The following ANKS1B variants were observed in gnomAD, a reference collection of about 807,000 sequenced individuals.
ANKS1B encodes ankyrin repeat and sterile alpha motif domain-containing protein 1B.
A neutral mutation model predicts 148.3 loss-of-function variants in ANKS1B; 36 were observed. That is an observed-to-expected ratio of 0.24 (90% confidence interval 0.19 to 0.32). The LOEUF is 0.32. Among genes scored for constraint, ANKS1B ranks in the 10% least tolerant of loss-of-function variants. The probability of loss-of-function intolerance (pLI) is 1.00; values close to 1 mark genes in which losing one functional copy is unlikely to be tolerated. For synonymous variants in ANKS1B, 542 were observed against 560.8 expected (o/e 0.97, Z 0.47); for missense variants, 1,157 against 1,542.6 (o/e 0.75, Z 4.19).
intron 1 of ANKS1B, among the ~76,000 whole-genome samples, chr12:99,838,069 C>G (rs2153694907): frequency 6.6e-6 from 1 of 152,226 alleles, no homozygotes; most frequent in African/African-American, 2.4e-5. Context: ...AAGATAATGG[C>G]CTCCAGCTCC....
At chr12:99,590,393 A>G (rs537882921) in intron 9 of ANKS1B, among the ~76,000 whole-genome samples, 37 of 152,262 alleles carry the variant, frequency 2.4e-4, no homozygotes, top group African/African-American at 8.2e-4. Flanking sequence ...TAATTACAAC[A>G]GATTATAGTA....
At chr12:99,041,429 T>C (rs912538991) in intron 17 of ANKS1B, among the ~76,000 whole-genome samples, 6 of 152,192 alleles carry the variant, frequency 3.9e-5, no homozygotes, top group Admixed American at 3.9e-4. Flanking sequence ...ATTTTCCAGC[T>C]TTTTATATAT....
chr12:98,740,678 C>T (rs1224820478), downstream of ANKS1B, among the ~76,000 whole-genome samples: 1 of 152,192 alleles, frequency 6.6e-6, no homozygotes, highest in African/African-American at 2.4e-5. Context: ...ATCCAATCTC[C>T]CCCTTTTCCT....
chr12:99,972,028 C>T (rs1275233470), intron 1 of ANKS1B, among the ~76,000 whole-genome samples: 2 of 152,134 alleles, frequency 1.3e-5, no homozygotes, highest in Admixed American at 1.3e-4. Context: ...ATATTTCAAA[C>T]TGTTTCATTA....
chr12:99,045,619 T>A (rs912959488), intron 17 of ANKS1B, among the ~76,000 whole-genome samples: 2 of 152,230 alleles, frequency 1.3e-5, no homozygotes, highest in African/African-American at 4.8e-5. Flanking sequence ...ATAAGTAGCA[T>A]GAACTCTTGC....
At chr12:99,966,376 T>C (rs916672231) in intron 1 of ANKS1B, among the ~76,000 whole-genome samples, 1 of 152,150 alleles carries the variant, frequency 6.6e-6, no homozygotes, top group Non-Finnish European at 1.5e-5. Flanking sequence ...TTCCATAATA[T>C]GTGATTATTT....
intron 19 of ANKS1B, among the ~76,000 whole-genome samples, chr12:98,811,469 G>C (rs1456723635): frequency 6.6e-6 from 1 of 152,168 alleles, no homozygotes; most frequent in Non-Finnish European, 1.5e-5. Context: ...CAGCTCGGTA[G>C]GTGCTATGTG....
At chr12:99,865,729 A>T (rs1356668457) in intron 1 of ANKS1B, among the ~76,000 whole-genome samples, 1 of 152,250 alleles carries the variant, frequency 6.6e-6, no homozygotes, top group Non-Finnish European at 1.5e-5. Flanking sequence ...CATCTAAAAA[A>T]GAAATATTTA....
intron 1 of ANKS1B, among the ~76,000 whole-genome samples, chr12:99,950,376 T>C (rs1281421512): frequency 1.3e-5 from 2 of 152,146 alleles, no homozygotes; most frequent in East Asian, 3.9e-4. Context: ...ACTGAGACTT[T>C]GGCTTGCTTG....
At chr12:99,458,174 A>G (rs1299218545) in intron 10 of ANKS1B, among the ~76,000 whole-genome samples, 1 of 152,132 alleles carries the variant, frequency 6.6e-6, no homozygotes, top group East Asian at 1.9e-4. Flanking sequence ...CTCCTGAATG[A>G]TTACTGCATA....
At chr12:99,520,332 T>C (rs190835730) in intron 9 of ANKS1B, among the ~76,000 whole-genome samples, 1 of 152,362 alleles carries the variant, frequency 6.6e-6, no homozygotes, top group African/African-American at 2.4e-5. Context: ...AAAGCATATT[T>C]TCACCAGATA....
At chr12:99,773,287 C>T (rs532304622) in intron 7 of ANKS1B, among the ~76,000 whole-genome samples, 199 bp from the exon 8 acceptor site, 30 of 152,090 alleles carry the variant, frequency 2.0e-4, no homozygotes, top group Non-Finnish European at 3.4e-4. Context: ...TATAATTTTG[C>T]CTATTTTTAT....
chr12:98,825,990 A>C (rs545908691), intron 19 of ANKS1B, among the ~76,000 whole-genome samples: 1 of 152,236 alleles, frequency 6.6e-6, no homozygotes, highest in African/African-American at 2.4e-5. Context: ...ACATTAAGGT[A>C]TAATTACACA....
intron 9 of ANKS1B, among the ~76,000 whole-genome samples, chr12:99,611,377 T>C (rs2097901217): frequency 6.6e-6 from 1 of 152,116 alleles, no homozygotes; most frequent in Admixed American, 6.6e-5. Context: ...CACTTTGTAA[T>C]TTAAAATTTC....
At chr12:99,431,539 C>G (rs1465582455) in intron 11 of ANKS1B, among the ~76,000 whole-genome samples, 1 of 152,010 alleles carries the variant, frequency 6.6e-6, no homozygotes, top group Admixed American at 6.6e-5. Flanking sequence ...TGGGTGGTAG[C>G]GAAAGAAGGC....
intron 8 of ANKS1B, among the ~76,000 whole-genome samples, chr12:99,709,341 C>G (rs1410598951): frequency 1.3e-5 from 2 of 152,136 alleles, no homozygotes; most frequent in African/African-American, 2.4e-5. Flanking sequence ...TCAAAAGACT[C>G]TGAGCAGATT....
At chr12:99,084,684 C>A (rs1006949081) in intron 16 of ANKS1B, among the ~76,000 whole-genome samples, 1 of 152,156 alleles carries the variant, frequency 6.6e-6, no homozygotes, top group African/African-American at 2.4e-5. Context: ...TACCATTGCA[C>A]TCCAGACTGG....
chr12:98,889,771 AGTT>A (rs2099748315), intron 17 of ANKS1B, among the ~76,000 whole-genome samples: 1 of 152,128 alleles, frequency 6.6e-6, no homozygotes, highest in Non-Finnish European at 1.5e-5. Context: ...TGTAACTATG[AGTT>A]TTATTATCTG....
Position 99,833,604 on chromosome 12 carries a change from TGGC to T in ANKS1B, c.135-8218_135-8216del, listed in dbSNP as rs540321327. ...AAGCTGCAAGGGCAGTAGTATCTTC[TGGC>T]AGGAGCCAAGTTTCAGTTAAAACTG... On this transcript the variant is annotated intron_variant, in intron 1 of 26. Coordinates refer to ENST00000683438, the MANE Select transcript of ANKS1B (RefSeq NM_001352186.2). 2.7e-4 allele frequency among the ~76,000 whole-genome samples: 41 copies of T among 152,364 alleles called. No individual in the cohort carries two copies. The East Asian group carries it at 5.2e-3, about 19-fold the overall frequency.
Sources: allele counts gnomAD v4.1 joint callset (sites outside exome capture counted in the v4.1 genomes callset), GRCh38; gene constraint gnomAD v4.1.1; transcripts MANE v1.5; gene names NCBI Gene and HGNC (gene_info 2026-07-23, HGNC 2026-07-21).